Variants in BRCA2 observed in about 807,000 individuals in gnomAD.
The protein encoded by BRCA2 is BRCA2 DNA repair associated, also known as breast cancer type 2 susceptibility protein.
Under a neutral mutation model 276.7 loss-of-function variants are expected in BRCA2, and 203 were observed. The ratio of observed to expected loss-of-function variants is 0.73; its 90% CI spans 0.65 to 0.82. The LOEUF is 0.82. Ranked by LOEUF, BRCA2 falls within the 40% of genes least tolerant of loss-of-function variation. The pLI is 0.00. For missense variants in BRCA2, 3,920 were observed against 3,915.0 expected, an observed-to-expected ratio of 1.00 and a Z score of -0.03; for synonymous variants, 1,289 against 1,338.4, an observed-to-expected ratio of 0.96 and a Z score of 0.81.
chr13:32,377,621 C>T (rs961362925), intron 21 of BRCA2, among the ~76,000 whole-genome samples: 2 of 150,074 alleles, frequency 1.3e-5, no homozygotes, highest in Non-Finnish European at 3.0e-5. Flanking sequence ...ATTAAATGGG[C>T]GTAAAATGTT....
rs745425169 is a variant in BRCA2 at position 32,338,782 on chromosome 13, A to G, written c.4427A>G (p.Asp1476Gly). Residue 1476 changes from aspartate to glycine, a missense_variant, in exon 11 of 27, where the codon GAC becomes GGC. Around this residue, in one of 2 missense-constraint regions of BRCA2, gnomAD observed 3,263 missense variants for 3,156.9 expected, o/e 1.03. Transcript: ENST00000380152. ...LHSDIRKNKM[D>G]ILSYEETDIV... is the part of the protein sequence containing the mutation. ...TCTGACATAAGAAAGAACAAAATGG[A>G]CATTCTAAGTTATGAGGAAACAGAC... The G allele has an allele frequency of 3.1e-6, 5 of 1,612,340 alleles. No homozygotes were observed. The East Asian group carries it at 1.1e-4, about 36-fold the overall frequency.
At chr13:32,370,897 A>G in intron 19 of BRCA2, 59 bp from the exon 20 acceptor site, 1 of 1,603,860 alleles carries the variant, frequency 6.2e-7, no homozygotes, top group African/African-American at 1.3e-5. Flanking sequence ...CTGGCCTGAT[A>G]CAATTAACTT....
rs1446054495 is a variant in BRCA2 at position 32,398,490 on chromosome 13, A to T, written c.9977A>T (p.Lys3326Ile). ...AATTCTCCTCAGATGACTCCATTTA[A>T]AAAATTCAATGAAATTTCTCTTTTG... ...ELNSPQMTPF[K>I]KFNEISLLES... The change falls in exon 27 of 27, where the codon AAA becomes ATA. Residue 3326 changes from lysine to isoleucine, a missense_variant. Physicochemically the swap from Lys to Ile is moderately radical, Grantham distance 102. This residue lies in a region of BRCA2 where 657 missense variants were observed against 758.2 expected (regional missense o/e 0.87). Transcript: ENST00000380152. The T allele has an allele frequency of 6.2e-7, 1 of 1,614,174 alleles. No homozygotes were observed.
Position 32,380,165 on chromosome 13 carries a change from A to T in BRCA2, c.9256+20A>T, listed in dbSNP as rs1555288596. On this transcript the variant is annotated intron_variant, in intron 24 of 26. Coordinates refer to ENST00000380152, the MANE Select transcript of BRCA2 (RefSeq NM_000059.4). ...AAACAGGTAATGCACAATATAGTTAATTTTTTTTATTGATTCTTTTAAAAA... is the reference window on the plus strand; with the variant it reads ...AAACAGGTAATGCACAATATAGTTATTTTTTTTTATTGATTCTTTTAAAAA... The T allele has an allele frequency of 1.3e-6, 2 of 1,587,098 alleles. No homozygotes were observed. The highest frequency in any genetic ancestry group is 3.7e-5 in the Admixed American group (2 of 54,232).
At chr13:32,373,371 T>C (rs1014744429) in intron 20 of BRCA2, among the ~76,000 whole-genome samples, 16 of 150,906 alleles carry the variant, frequency 1.1e-4, no homozygotes, top group African/African-American at 3.9e-4. Flanking sequence ...CTGGGCGTGG[T>C]GGCACGCGTC....
intron 13 of BRCA2, among the ~76,000 whole-genome samples, chr13:32,351,939 T>C (rs1046866864): frequency 2.6e-5 from 4 of 152,094 alleles, no homozygotes; most frequent in Admixed American, 6.5e-5. Flanking sequence ...GTAGCCGGGA[T>C]TACAGGCGCG....
At position 32,370,476 on chromosome 13, in the gene BRCA2, T is replaced by C. The variant is rs2137597254; in HGVS notation, c.8406T>C (p.Pro2802=). The part of the protein sequence containing the change: ...LGFFPDPRPF[P]LPLSSLFSDG... ...TCTTTCCTGACCCTAGACCTTTTCC[T>C]CTGCCCTTATCATCGCTTTTCAGTG... Residue 2802 remains proline (P), a synonymous_variant, in exon 19 of 27, where the codon CCT becomes CCC. Coordinates refer to ENST00000380152, the MANE Select transcript of BRCA2 (RefSeq NM_000059.4). The C allele has an allele frequency of 6.2e-7, 1 of 1,614,018 alleles. No homozygotes were observed. Among genetic ancestry groups the C allele is most frequent in the Non-Finnish European group, 8.5e-7 (1 of 1,179,854 alleles).
chr13:32,383,903 G>A (rs563231022), intron 24 of BRCA2, among the ~76,000 whole-genome samples: 2 of 152,174 alleles, frequency 1.3e-5, no homozygotes, highest in Admixed American at 1.3e-4. Flanking sequence ...TGAGTTACCA[G>A]TGGAAAATAG....
rs367704707 is a variant in BRCA2 at position 32,376,555 on chromosome 13, A to T, written c.8633-115A>T. The T allele has an allele frequency of 1.4e-5, 16 of 1,141,266 alleles. No individual in the cohort carries two copies. The East Asian group carries it at 3.0e-4, about 22-fold the overall frequency. 70.7% of individuals were successfully genotyped at this position (1,141,266 alleles called of 1,614,324 possible). A position where few individuals can be genotyped will look rare whatever the true frequency, so the allele number is the denominator to read the frequency against. On this transcript the variant is annotated intron_variant, in intron 20 of 26. Coordinates refer to ENST00000380152, the MANE Select transcript of BRCA2 (RefSeq NM_000059.4). ...AAAAAAGAAAAAACTTTTAGCAGTT[A>T]TATAGTTTCTTATCTTTAAATCTCC...
In BRCA2 at chr13:32,354,917, A is replaced by G. The variant is rs2072677238; in HGVS notation, c.7064A>G (p.Glu2355Gly). The G allele has an allele frequency of 1.2e-6, 2 of 1,613,880 alleles. No homozygotes were observed. The highest frequency in any genetic ancestry group is 2.2e-5 in the East Asian group (1 of 44,848). ...QNPNFTAPGQ[E>G]FLSKSHLYEH... ...CCAAATTTTACCGCACCTGGTCAAG[A>G]ATTTCTGTCTAAATCTCATTTGTAT... The change falls in exon 14 of 27, where the codon GAA (glutamate) becomes GGA (glycine). Residue 2355 changes from glutamate to glycine, a missense_variant. Glu to Gly is a moderately conservative substitution (Grantham distance 98). Coordinates refer to ENST00000380152, the MANE Select transcript of BRCA2 (RefSeq NM_000059.4).
At chr13:32,356,059 T>G (rs1170439228) in intron 14 of BRCA2, among the ~76,000 whole-genome samples, 1 of 150,826 alleles carries the variant, frequency 6.6e-6, no homozygotes, top group Non-Finnish European at 1.5e-5. Flanking sequence ...TTTTTTTTTT[T>G]GAGACAGAGT....
In BRCA2 at chr13:32,339,010, G is replaced by T. The variant is rs80358696; in HGVS notation, c.4655G>T (p.Gly1552Val). 6.2e-7 allele frequency: 1 copy of T among 1,613,918 alleles called. No homozygotes were observed. Among genetic ancestry groups the T allele is most frequent in the Non-Finnish European group, 8.5e-7 (1 of 1,179,934 alleles). The part of the protein sequence containing the change: ...VKNLFDEKEQ[G>V]TSEITSFSHQ... ...AACCTTTTTGATGAAAAAGAGCAAG[G>T]TACTAGTGAAATCACCAGTTTTAGC... is the stretch of plus-strand genomic sequence containing the variant. Residue 1552 changes from glycine (G) to valine (V), a missense_variant, in exon 11 of 27, where the codon GGT becomes GTT. Gly to Val is a moderately radical substitution (Grantham distance 109). Transcript: ENST00000380152.
chr13:32,340,100 G>A lies in BRCA2; in HGVS notation c.5745G>A (p.Thr1915=), dbSNP rs1799953. 35 of 1,613,698 alleles carry A rather than the reference G, an allele frequency of 2.2e-5. No individual in the cohort carries two copies. Among genetic ancestry groups the A allele is most frequent in the East Asian group, 4.5e-5 (2 of 44,850 alleles). The change falls in exon 11 of 27, where the codon ACG becomes ACA. Residue 1915 remains threonine (T), a synonymous_variant. Coordinates refer to ENST00000380152, the MANE Select transcript of BRCA2 (RefSeq NM_000059.4). ...HNSLDNDECS[T]HSHKVFADIQ... ...CTCTAGATAATGATGAATGTAGCAC[G>A]CATTCACATAAGGTTTTTGCTGACA...
intron 13 of BRCA2, among the ~76,000 whole-genome samples, chr13:32,352,673 C>T (rs1280389153): frequency 6.6e-6 from 1 of 152,076 alleles, no homozygotes; most frequent in Non-Finnish European, 1.5e-5. Context: ...AGGAAGCTTC[C>T]TGTATGTCAT....
rs1281719451 is a variant in BRCA2, at chr13:32,397,031, G to A, written c.9635G>A (p.Gly3212Glu). Residue 3212 changes from glycine (G) to glutamate (E), a missense_variant, in exon 26 of 27, where the codon GGA (glycine) becomes GAA (glutamate). Gly to Glu is a moderately conservative substitution (Grantham distance 98). Coordinates refer to ENST00000380152, the MANE Select transcript of BRCA2 (RefSeq NM_000059.4). ...ACTGCTCAAATCATTCCTGGTACAG[G>A]AAACAAGCTTCTGGTAAGTTAATGT... Reference protein sequence around the residue: ...PYTAQIIPGTGNKLLMSSPNC... With the variant: ...PYTAQIIPGTENKLLMSSPNC... The A allele has an allele frequency of 6.2e-7, 1 of 1,614,016 alleles. No individual in the cohort carries two copies.
intron 21 of BRCA2, among the ~76,000 whole-genome samples, chr13:32,378,656 A>G (rs1045986598): frequency 6.6e-6 from 1 of 152,172 alleles, no homozygotes; most frequent in Admixed American, 6.5e-5. Flanking sequence ...TTACATGTCT[A>G]AATTCCATTT....
chr13:32,349,301 T>C (rs927211445), intron 13 of BRCA2, among the ~76,000 whole-genome samples: 6 of 149,752 alleles, frequency 4.0e-5, no homozygotes, highest in African/African-American at 7.4e-5. Context: ...CAAAACATCA[T>C]TGAAGAAACT....
In BRCA2 at chr13:32,336,740, A is replaced by C. The variant is rs1555282649; in HGVS notation, c.2385A>C (p.Ser795=). ...GAGGCAAAGAATCATACAAAATGTC[A>C]GACAAGCTCAAAGGTAACAATTATG... is the stretch of plus-strand genomic sequence containing the variant. ...ISRGKESYKM[S]DKLKGNNYES... The change falls in exon 11 of 27, where the codon TCA becomes TCC. Residue 795 remains serine (S), a synonymous_variant. Transcript: ENST00000380152. 4 of 1,613,964 alleles carry C rather than the reference A, an allele frequency of 2.5e-6. No individual in the cohort carries two copies. The highest frequency in any genetic ancestry group is 2.5e-6 in the Non-Finnish European group (3 of 1,179,944).
intron 20 of BRCA2, among the ~76,000 whole-genome samples, chr13:32,376,141 T>TA (rs1282386067): frequency 1.3e-5 from 2 of 152,140 alleles, no homozygotes; most frequent in African/African-American, 4.8e-5. Flanking sequence ...CAAATATACC[T>TA]ATGTTAACTC....
Sources: gnomAD v4.1 joint callset for allele counts (sites outside exome capture counted in the v4.1 genomes callset) on GRCh38, gnomAD v4.1.1 for gene constraint, gnomAD v4.1.1 regional missense constraint, MANE v1.5 for transcripts, NCBI Gene and HGNC (gene_info 2026-07-23, HGNC 2026-07-21) for gene names.